The following RFX4 variants were observed in gnomAD, a reference collection of about 807,000 sequenced individuals.
The protein encoded by RFX4 is regulatory factor X4.
A neutral mutation model predicts 95.0 loss-of-function variants in RFX4; 10 were observed. The ratio of observed to expected loss-of-function variants is 0.11; its 90% CI spans 0.06 to 0.18. RFX4 has a LOEUF of 0.18. Among genes scored for constraint, RFX4 ranks in the 10% least tolerant of loss-of-function variants. The pLI, the probability that RFX4 is intolerant of heterozygous loss-of-function variation, is 1.00. For missense variants in RFX4, 640 were observed against 922.0 expected (o/e 0.69, Z 3.96); for synonymous variants, 321 against 340.7 (o/e 0.94, Z 0.64).
chr12:106,720,998 T>C lies in RFX4; in HGVS notation c.1351+122T>C, dbSNP rs2042386449. 2 of 780,976 alleles carry C rather than the reference T, an allele frequency of 2.6e-6. No homozygotes were observed. Among genetic ancestry groups the C allele is most frequent in the Non-Finnish European group, 4.4e-6 (2 of 459,724 alleles). The allele number at this position is 780,976 out of a possible 1,614,324, so 48.4% of individuals were successfully genotyped here. ...GGTCATCACCCTGAAACACATCTCT[T>C]CTGGGGAGACATGACATTGTTAGGA... On this transcript the variant is annotated intron_variant, in intron 13 of 17. Coordinates refer to ENST00000392842, the MANE Select transcript of RFX4 (RefSeq NM_213594.3). The surrounding 1 kb of genome is among the most constrained non-coding windows in gnomAD (Gnocchi z 4.2).
chr12:106,626,053 A>G (rs576412083), intron 2 of RFX4, among the ~76,000 whole-genome samples: 1 of 152,344 alleles, frequency 6.6e-6, no homozygotes, highest in South Asian at 2.1e-4. Flanking sequence ...TTGAATATTA[A>G]CAATGCAAGG....
intron 13 of RFX4, among the ~76,000 whole-genome samples, chr12:106,723,807 A>G (rs2042439590): frequency 6.6e-6 from 1 of 152,186 alleles, no homozygotes; most frequent in Non-Finnish European, 1.5e-5. Context: ...ACCAAGCACT[A>G]AGAGACAGGA....
intron 7 of RFX4, among the ~76,000 whole-genome samples, chr12:106,691,360 G>A (rs377623130): frequency 2.6e-5 from 4 of 152,188 alleles, no homozygotes; most frequent in African/African-American, 9.6e-5. Context: ...CAGTTGGTTA[G>A]GGCCAAAGGT....
intron 3 of RFX4, among the ~76,000 whole-genome samples, chr12:106,649,262 T>C (rs1340761264): frequency 1.3e-5 from 2 of 152,188 alleles, no homozygotes; most frequent in African/African-American, 4.8e-5. Flanking sequence ...GACATTCCAA[T>C]TAGCAACTTT....
At chr12:106,682,257 G>A in intron 5 of RFX4, 1 of 575,264 alleles carries the variant, frequency 1.7e-6, no homozygotes, top group Admixed American at 3.1e-5. Context: ...CCCAAGACGA[G>A]TTGGCTCTGC....
At chr12:106,617,713 A>G (rs1326620639) in intron 2 of RFX4, among the ~76,000 whole-genome samples, 3 of 152,044 alleles carry the variant, frequency 2.0e-5, no homozygotes, top group Non-Finnish European at 4.4e-5. Flanking sequence ...TGCATTTTGA[A>G]TGTACATTTT....
At chr12:106,687,164 TCTATCTCTCTCTCTCTCTCA>T in intron 6 of RFX4, 67 bp downstream of exon 6, 1 of 1,025,582 alleles carries the variant, frequency 9.8e-7, no homozygotes, top group Non-Finnish European at 1.5e-6. Flanking sequence ...TCTCTCTGTC[TCTATCTCTCTCTCTCTCTCA>T]CACACACACA....
At chr12:106,737,596 C>T (rs958516824) in intron 15 of RFX4, among the ~76,000 whole-genome samples, 5 of 152,104 alleles carry the variant, frequency 3.3e-5, no homozygotes, top group Admixed American at 2.0e-4. Context: ...AAAGTTTCCT[C>T]TCTCTATGGA....
At position 106,608,780 on chromosome 12, in the gene RFX4, C is replaced by CT. The variant is rs55993073; in HGVS notation, c.44-3dup. 65,466 of 1,375,064 alleles carry CT rather than the reference C, an allele frequency of 0.048. 1 individual carries two copies. Among genetic ancestry groups the CT allele is most frequent in the South Asian group, 0.062 (4,551 of 73,750 alleles). 85.2% of individuals were successfully genotyped at this position (1,375,064 alleles called of 1,614,324 possible). ...TTCTTTTTCTTTTCTTTCTTTCTTT[C>CT]TTTTTTTTTTTTTTAGAGAGCTGGA... On this transcript the variant is annotated splice_polypyrimidine_tract_variant and intron_variant, in intron 1 of 17. Transcript: ENST00000392842.
At chr12:106,654,639 T>A (rs1241285462) in intron 4 of RFX4, among the ~76,000 whole-genome samples, 1 of 152,220 alleles carries the variant, frequency 6.6e-6, no homozygotes, top group Non-Finnish European at 1.5e-5. Flanking sequence ...ACAAGTGTGT[T>A]ACATGGATGT....
At chr12:106,728,579 C>T (rs1027300796) in intron 13 of RFX4, among the ~76,000 whole-genome samples, 1 of 152,056 alleles carries the variant, frequency 6.6e-6, no homozygotes, top group South Asian at 2.1e-4. Flanking sequence ...TATTTAACTT[C>T]GATGGTGAGA....
intron 3 of RFX4, among the ~76,000 whole-genome samples, chr12:106,648,722 G>T (rs61495390): frequency 6.7e-6 from 1 of 150,162 alleles, no homozygotes; most frequent in South Asian, 2.1e-4. Flanking sequence ...AACTGACGCA[G>T]AGCGACCTTT....
intron 8 of RFX4, among the ~76,000 whole-genome samples, chr12:106,705,277 A>ACCG (rs2042062569): frequency 3.9e-5 from 6 of 152,220 alleles, no homozygotes; most frequent in African/African-American, 1.4e-4. Context: ...TAACAGCATC[A>ACCG]CTGCTGATGG....
chr12:106,737,863 G>A lies in RFX4; in HGVS notation c.1633+4778G>A, dbSNP rs199547441. 3.9e-5 allele frequency among the ~76,000 whole-genome samples: 6 copies of A among 152,256 alleles called. No individual in the cohort carries two copies. The East Asian group carries it at 5.8e-4, about 15-fold the overall frequency. On this transcript the variant is annotated intron_variant, in intron 15 of 17. Coordinates refer to ENST00000392842, the MANE Select transcript of RFX4 (RefSeq NM_213594.3). ...TCGCCGTATTTGTTTATATAGATGC[G>A]CCTCAAACTGTATTTTGTTTTCTGC...
Position 106,751,206 on chromosome 12 carries a change from G to A in RFX4, c.1935+413G>A, listed in dbSNP as rs1168750263. Reference sequence around the variant, plus strand: ...GCAGTGTTTGGTTTTTTGTTCTTGCGATAATTTACTGAGAATGATGATTTC... The same window carrying A: ...GCAGTGTTTGGTTTTTTGTTCTTGCAATAATTTACTGAGAATGATGATTTC... On this transcript the variant is annotated intron_variant, in intron 17 of 17. Transcript: ENST00000392842. Among the ~76,000 whole-genome samples the A allele has an allele frequency of 2.9e-4, 44 of 151,604 alleles. 1 individual carries two copies. The East Asian group carries it at 6.0e-3, about 21-fold the overall frequency.
In RFX4 at chr12:106,720,381, T is replaced by C. The variant is rs2042372987; in HGVS notation, c.1233+327T>C. Among the ~76,000 whole-genome samples, 1 of 151,720 alleles carries C rather than the reference T, an allele frequency of 6.6e-6. No homozygotes were observed. The highest frequency in any genetic ancestry group is 1.5e-5 in the Non-Finnish European group (1 of 67,824). ...CATAAGCCTTCCTGTCATTTTTCTG[T>C]ATTTATTTATTTATTTTTGAGACAG... On this transcript the variant is annotated intron_variant, in intron 12 of 17. Transcript: ENST00000392842. This position sits in a 1 kb window ranked among gnomAD's most constrained non-coding sequence, Gnocchi z 4.2.
At chr12:106,618,325 G>T (rs1211825942) in intron 2 of RFX4, among the ~76,000 whole-genome samples, 1 of 151,888 alleles carries the variant, frequency 6.6e-6, no homozygotes, top group Non-Finnish European at 1.5e-5. Context: ...GCTATTGTTT[G>T]TTCTCTCAGT....
At chr12:106,713,627 G>A (rs1014020931) in intron 10 of RFX4, among the ~76,000 whole-genome samples, 6 of 152,094 alleles carry the variant, frequency 3.9e-5, no homozygotes, top group Non-Finnish European at 5.9e-5. Context: ...AAAGAGAAGC[G>A]ATCGGATAAC....
intron 2 of RFX4, among the ~76,000 whole-genome samples, chr12:106,627,774 G>C (rs2040332339): frequency 6.6e-6 from 1 of 152,090 alleles, no homozygotes; most frequent in African/African-American, 2.4e-5. Context: ...CTGTTGTGGA[G>C]AGGAGAAGAC....
Sources: gnomAD v4.1 joint callset for allele counts (sites outside exome capture counted in the v4.1 genomes callset) on GRCh38, gnomAD v4.1.1 for gene constraint, Gnocchi (gnomAD v3.1) non-coding constraint, MANE v1.5 for transcripts, NCBI Gene and HGNC (gene_info 2026-07-23, HGNC 2026-07-21) for gene names.